Variants in CLDN14 observed in about 807,000 individuals in gnomAD.
The protein encoded by CLDN14 is claudin-14.
A neutral mutation model predicts 2.1 loss-of-function variants in CLDN14; 2 were observed. The ratio of observed to expected loss-of-function variants is 0.96; its 90% CI spans 0.39 to 3.01. The LOEUF is 3.01. CLDN14 is among the 30% of genes most tolerant of loss of function. CLDN14 has a pLI of 0.09. For missense variants in CLDN14, 298 were observed against 328.0 expected (o/e 0.91, Z 0.71); for synonymous variants, 136 against 154.4 (o/e 0.88, Z 0.88).
chr21:36,461,237 G>A lies in CLDN14; in HGVS notation c.459C>T (p.Pro153=), dbSNP rs774596862. The A allele has an allele frequency of 1.9e-6, 3 of 1,613,924 alleles. No homozygotes were observed. In the African/African-American group the frequency reaches 4.0e-5, roughly 22 times the overall value. The change falls in exon 2 of 2, where the codon CCC becomes CCT. Residue 153 remains proline, a synonymous_variant. Coordinates refer to ENST00000399135, the MANE Select transcript of CLDN14 (RefSeq NM_001146079.2). ...VVQNFYNPLL[P]SGMKFEIGQA... is the part of the protein sequence containing the mutation. ...GGCCAATCTCAAACTTCATGCCGCT[G>A]GGCAGCAGCGGGTTGTAGAAGTTCT...
chr21:36,489,132 ATATATAT>A (rs371008340), intron 2 of CLDN14, among the ~76,000 whole-genome samples: 7 of 40,302 alleles, frequency 1.7e-4, no homozygotes, highest in East Asian at 4.5e-4. Context: ...AAAAAAAAAA[ATATATAT>A]ATATATATAT....
intron 1 of CLDN14, among the ~76,000 whole-genome samples, chr21:36,468,129 T>C (rs1037195863): frequency 1.3e-5 from 2 of 152,232 alleles, no homozygotes; most frequent in African/African-American, 4.8e-5. Context: ...TGTAAACTTA[T>C]TAGAGAAAAA....
rs1370992372 is a variant in CLDN14, at chr21:36,544,476, T to G, written c.-220+31935A>C. Among the ~76,000 whole-genome samples, 1 of 152,202 alleles carries G rather than the reference T, an allele frequency of 6.6e-6. No individual in the cohort carries two copies. Among genetic ancestry groups the G allele is most frequent in the Non-Finnish European group, 1.5e-5 (1 of 68,040 alleles). ...GTCATCCCTGCCTGCAGCTATTGAC[T>G]GTTTGCATAGGAGGGGATGGAGTTG... On this transcript the variant is annotated intron_variant, in intron 1 of 2. Coordinates refer to the CLDN14 transcript ENST00000342108. The surrounding 1 kb of genome is among the most constrained non-coding windows in gnomAD (Gnocchi z 4.1).
intron 2 of CLDN14, among the ~76,000 whole-genome samples, chr21:36,495,401 T>A (rs2044315428): frequency 1.3e-5 from 2 of 152,220 alleles, no homozygotes; most frequent in South Asian, 4.1e-4. Flanking sequence ...ATTGACTGAA[T>A]TTTGTTTAAT....
chr21:36,492,919 C>T (rs1328136570), intron 2 of CLDN14, among the ~76,000 whole-genome samples: 2 of 152,206 alleles, frequency 1.3e-5, no homozygotes, highest in Non-Finnish European at 2.9e-5. Flanking sequence ...ATGATGTTCT[C>T]TGTAGGAGGA....
chr21:36,536,182 T>C, intron 1 of CLDN14, among the ~76,000 whole-genome samples: 1 of 152,224 alleles, frequency 6.6e-6, no homozygotes, highest in East Asian at 1.9e-4. Flanking sequence ...ATCCTTGAGG[T>C]CCAGCCTTGC....
At position 36,527,570 on chromosome 21, in the gene CLDN14, G is replaced by C. The variant is rs571643418; in HGVS notation, c.-219-17070C>G. 2.0e-5 allele frequency among the ~76,000 whole-genome samples: 3 copies of C among 152,084 alleles called. No homozygotes were observed. In the South Asian group the frequency reaches 6.2e-4, roughly 32 times the overall value. ...GAAGTGACATTTCCCATTTCCCGTCGATTACTCACCAATGGAAAATAATGT... is the reference window on the plus strand; with the variant it reads ...GAAGTGACATTTCCCATTTCCCGTCCATTACTCACCAATGGAAAATAATGT... On this transcript the variant is annotated intron_variant, in intron 1 of 2. Transcript: ENST00000342108.
At chr21:36,539,860 T>C (rs1258399159) in intron 1 of CLDN14, among the ~76,000 whole-genome samples, 1 of 149,950 alleles carries the variant, frequency 6.7e-6, no homozygotes, top group South Asian at 2.1e-4. Flanking sequence ...AGTGAGTGTG[T>C]GTGTGCAGTA....
chr21:36,515,435 G>A (rs1041878445), intron 1 of CLDN14, among the ~76,000 whole-genome samples: 3 of 152,128 alleles, frequency 2.0e-5, no homozygotes, highest in Non-Finnish European at 2.9e-5. Context: ...CACTTTGGGA[G>A]CCTGAGGTGG....
intron 1 of CLDN14, among the ~76,000 whole-genome samples, chr21:36,516,255 A>C (rs1245829593): frequency 6.6e-6 from 1 of 152,226 alleles, no homozygotes; most frequent in African/African-American, 2.4e-5. Flanking sequence ...AGTTGCGGGA[A>C]TACAGCTATA....
chr21:36,518,445 C>T (rs1273093309), intron 1 of CLDN14, among the ~76,000 whole-genome samples: 5 of 152,008 alleles, frequency 3.3e-5, no homozygotes, highest in Admixed American at 6.6e-5. Flanking sequence ...TACAAAAATA[C>T]AAAAATTAGC....
At chr21:36,564,595 A>G (rs886328763) in intron 1 of CLDN14, among the ~76,000 whole-genome samples, 1 of 152,194 alleles carries the variant, frequency 6.6e-6, no homozygotes, top group Non-Finnish European at 1.5e-5. Flanking sequence ...GTTTCACCAG[A>G]GACCTCAGGT....
intron 2 of CLDN14, among the ~76,000 whole-genome samples, chr21:36,506,000 C>G (rs2087129167): frequency 6.6e-6 from 1 of 152,190 alleles, no homozygotes; most frequent in African/African-American, 2.4e-5. Flanking sequence ...TACTCTTCAA[C>G]TCAGCTATTT....
chr21:36,515,450 A>G (rs550700830), intron 1 of CLDN14, among the ~76,000 whole-genome samples: 29 of 152,206 alleles, frequency 1.9e-4, no homozygotes, highest in Non-Finnish European at 1.2e-4. Context: ...AGGTGGGTAG[A>G]TCACCTGAGG....
In CLDN14 at chr21:36,553,555, C is replaced by A. The variant is rs1210236031; in HGVS notation, c.-220+22856G>T. On this transcript the variant is annotated intron_variant, in intron 1 of 2. Coordinates refer to the CLDN14 transcript ENST00000342108. ...TTTCTTGCCACTCCTTTCCCCGCAC[C>A]CCATCTTGGCCCACTTTGGAGACTC... Among the ~76,000 whole-genome samples, 23 of 152,078 alleles carry A rather than the reference C, an allele frequency of 1.5e-4. 1 individual carries two copies. The highest frequency in any genetic ancestry group is 1.5e-3 in the Admixed American group (23 of 15,272).
At chr21:36,519,074 A>G (rs941460070) in intron 1 of CLDN14, among the ~76,000 whole-genome samples, 1 of 152,154 alleles carries the variant, frequency 6.6e-6, no homozygotes, top group African/African-American at 2.4e-5. Flanking sequence ...ACTTCACACC[A>G]CGAGGACCTC....
chr21:36,533,237 G>A (rs915620396), intron 1 of CLDN14, among the ~76,000 whole-genome samples: 2 of 152,220 alleles, frequency 1.3e-5, no homozygotes, highest in Non-Finnish European at 2.9e-5. Context: ...CCAGGGTCCA[G>A]CCAGGCAGAG....
At chr21:36,519,757 C>T (rs1427916845) in intron 1 of CLDN14, among the ~76,000 whole-genome samples, 1 of 151,854 alleles carries the variant, frequency 6.6e-6, no homozygotes, top group Non-Finnish European at 1.5e-5. Flanking sequence ...CAAAAAAACC[C>T]ACAACCTATT....
At chr21:36,565,095 G>A (rs1005895521) in intron 1 of CLDN14, among the ~76,000 whole-genome samples, 3 of 152,190 alleles carry the variant, frequency 2.0e-5, no homozygotes, top group Admixed American at 6.5e-5. Flanking sequence ...CAGCGGCCAC[G>A]GGAAGCTAAC....
Sources: gnomAD v4.1 joint callset for allele counts (sites outside exome capture counted in the v4.1 genomes callset) on GRCh38, gnomAD v4.1.1 for gene constraint, Gnocchi (gnomAD v3.1) non-coding constraint, MANE v1.5 for transcripts, NCBI Gene and HGNC (gene_info 2026-07-23, HGNC 2026-07-21) for gene names.